The following CSMD1 variants were observed in gnomAD, a reference collection of about 807,000 sequenced individuals.
The protein encoded by CSMD1 is CUB and Sushi multiple domains 1, also known as CUB and sushi domain-containing protein 1.
In CSMD1, 213 loss-of-function variants were observed where a neutral mutation model predicts 417.5. The ratio of observed to expected loss-of-function variants is 0.51; its 90% confidence interval spans 0.46 to 0.57. The LOEUF (loss-of-function observed/expected upper bound fraction) is 0.57. Ranked by LOEUF, CSMD1 falls within the 20% of genes least tolerant of loss-of-function variation. The probability of loss-of-function intolerance (pLI) is 0.00; values close to 1 mark genes in which losing one functional copy is unlikely to be tolerated. For synonymous variants in CSMD1, 2,862 were observed against 1,736.8 expected (o/e 1.65, Z -16.11); for missense variants, 6,923 against 4,529.7 (o/e 1.53, Z -15.17).
chr8:4,819,829 C>T (rs1486993947), intron 1 of CSMD1, among the ~76,000 whole-genome samples: 1 of 152,056 alleles, frequency 6.6e-6, no homozygotes, highest in African/African-American at 2.4e-5. Context: ...TCCATTCCTC[C>T]AACCAGAAGA....
rs143752361 is a variant in CSMD1 at position 4,311,839 on chromosome 8, C to T, written c.415+108114G>A. 1.8e-3 allele frequency among the ~76,000 whole-genome samples: 269 copies of T among 151,750 alleles called. 2 individuals are homozygous for T. The highest frequency in any genetic ancestry group is 6.1e-3 in the African/African-American group (253 of 41,334). ...TGGTGGAGAGTGCGAAGGAGAGGAG[C>T]GGAAAAGATCACTGTTAGGTACTGG... is the stretch of plus-strand genomic sequence containing the variant. On this transcript the variant is annotated intron_variant, in intron 3 of 69. Coordinates refer to ENST00000635120, the MANE Select transcript of CSMD1 (RefSeq NM_033225.6).
chr8:3,840,237 G>C (rs987380491), intron 5 of CSMD1, among the ~76,000 whole-genome samples: 2 of 152,044 alleles, frequency 1.3e-5, no homozygotes, highest in South Asian at 2.1e-4. Context: ...AAAAAAAAGA[G>C]ACAGCATAAA....
At chr8:3,305,790 C>G (rs1804791051) in intron 25 of CSMD1, among the ~76,000 whole-genome samples, 1 of 152,178 alleles carries the variant, frequency 6.6e-6, no homozygotes, top group Non-Finnish European at 1.5e-5. Context: ...CACCATTCTC[C>G]TGCCTCAGCC....
intron 5 of CSMD1, among the ~76,000 whole-genome samples, chr8:3,877,836 T>G (rs1585128588): frequency 6.6e-6 from 1 of 152,332 alleles, no homozygotes; most frequent in Middle Eastern, 3.4e-3. Flanking sequence ...AGAACTGACT[T>G]AAATTTTGTC....
At chr8:3,038,331 T>A (rs1431403028) in intron 50 of CSMD1, among the ~76,000 whole-genome samples, 2 of 152,198 alleles carry the variant, frequency 1.3e-5, no homozygotes. Context: ...TTTAATTACA[T>A]AAAATGAGTC....
At chr8:3,441,039 C>T (rs767873183) in intron 12 of CSMD1, among the ~76,000 whole-genome samples, 3 of 152,130 alleles carry the variant, frequency 2.0e-5, no homozygotes, top group Non-Finnish European at 4.4e-5. Context: ...ATCCAAAATA[C>T]GAATGCCTTT....
intron 41 of CSMD1, among the ~76,000 whole-genome samples, chr8:3,133,859 G>A (rs1165423606): frequency 3.3e-5 from 5 of 152,166 alleles, no homozygotes; most frequent in South Asian, 2.1e-4. Flanking sequence ...AAGGCCGGTC[G>A]AATTCTTGCA....
At chr8:4,160,384 T>C (rs575102211) in intron 3 of CSMD1, among the ~76,000 whole-genome samples, 22 of 152,354 alleles carry the variant, frequency 1.4e-4, no homozygotes, top group African/African-American at 5.3e-4. Flanking sequence ...AATTTGGTGT[T>C]ATGTTGACAT....
At chr8:3,189,698 C>CA (rs1796300490) in intron 34 of CSMD1, among the ~76,000 whole-genome samples, 1 of 132,926 alleles carries the variant, frequency 7.5e-6, no homozygotes, top group Admixed American at 8.0e-5. Context: ...AGAAGGGAAA[C>CA]ATGCTTTATC....
intron 3 of CSMD1, among the ~76,000 whole-genome samples, chr8:4,142,769 G>C (rs35942706): frequency 6.6e-6 from 1 of 150,660 alleles, no homozygotes; most frequent in Non-Finnish European, 1.5e-5. Flanking sequence ...CACTTCATTA[G>C]TGCAAAACAG....
At chr8:3,517,232 C>T (rs948309536) in intron 10 of CSMD1, among the ~76,000 whole-genome samples, 1 of 152,148 alleles carries the variant, frequency 6.6e-6, no homozygotes, top group Non-Finnish European at 1.5e-5. Flanking sequence ...TTAATAAAAT[C>T]TGTGATTAGA....
chr8:3,105,396 A>G (rs1816064566), intron 46 of CSMD1, among the ~76,000 whole-genome samples: 1 of 152,252 alleles, frequency 6.6e-6, no homozygotes, highest in Non-Finnish European at 1.5e-5. Context: ...ATGATTTTGA[A>G]GTCATAAAAA....
intron 2 of CSMD1, among the ~76,000 whole-genome samples, chr8:4,593,053 C>T (rs976055024): frequency 6.6e-6 from 1 of 152,122 alleles, no homozygotes; most frequent in Non-Finnish European, 1.5e-5. Context: ...TTGTAAATCA[C>T]TGGTGTCATC....
In CSMD1 at chr8:3,508,316, T is replaced by C. The variant is rs113499580; in HGVS notation, c.1345-14590A>G. On this transcript the variant is annotated intron_variant, in intron 10 of 69. Transcript: ENST00000635120. ...CCTCCCCCAGGGCAGGTGAGAACAC[T>C]TGGACACAGGAAGGGGAACATCACA... Among the ~76,000 whole-genome samples, 1,502 of 150,458 alleles carry C rather than the reference T, an allele frequency of 1.0e-2. 26 individuals carry two copies. The highest frequency in any genetic ancestry group is 0.035 in the African/African-American group (1,409 of 40,728).
chr8:4,930,099 T>C (rs1807145409), intron 1 of CSMD1, among the ~76,000 whole-genome samples: 1 of 152,216 alleles, frequency 6.6e-6, no homozygotes, highest in African/African-American at 2.4e-5. Flanking sequence ...GCCCTAGCTC[T>C]GTCACTGTTT....
At chr8:4,351,476 C>G (rs1299317213) in intron 3 of CSMD1, among the ~76,000 whole-genome samples, 1 of 152,190 alleles carries the variant, frequency 6.6e-6, no homozygotes, top group Non-Finnish European at 1.5e-5. Flanking sequence ...ATAGCTATTA[C>G]TGTGCCAAAT....
chr8:3,041,251 T>C (rs1487412603), intron 50 of CSMD1, among the ~76,000 whole-genome samples: 1 of 152,208 alleles, frequency 6.6e-6, no homozygotes, highest in East Asian at 1.9e-4. Context: ...GTTAAATAGA[T>C]ATGTACTACA....
intron 1 of CSMD1, among the ~76,000 whole-genome samples, chr8:4,656,711 G>C (rs927763172): frequency 6.6e-6 from 1 of 151,990 alleles, no homozygotes; most frequent in Admixed American, 6.6e-5. Flanking sequence ...GCAACAATGG[G>C]ACACTCACTC....
intron 1 of CSMD1, among the ~76,000 whole-genome samples, chr8:4,967,385 C>T (rs1195887053): frequency 6.6e-6 from 1 of 152,058 alleles, no homozygotes; most frequent in Non-Finnish European, 1.5e-5. Flanking sequence ...ATGATAAAGC[C>T]ATTTTGCCTA....
Sources: gnomAD v4.1 joint callset for allele counts (sites outside exome capture counted in the v4.1 genomes callset) on GRCh38, gnomAD v4.1.1 for gene constraint, MANE v1.5 for transcripts, NCBI Gene and HGNC (gene_info 2026-07-23, HGNC 2026-07-21) for gene names.